The following ACOXL variants were observed in gnomAD, a reference collection of about 807,000 sequenced individuals.
ACOXL encodes the protein acyl-coenzyme A oxidase-like protein.
In ACOXL, 70 loss-of-function variants were observed where a neutral mutation model predicts 71.9. The ratio of observed to expected loss-of-function variants is 0.97; its 90% CI spans 0.80 to 1.19. ACOXL has a LOEUF of 1.19. ACOXL is among the 50% of genes most tolerant of loss of function. ACOXL has a pLI of 0.00. For missense variants in ACOXL, 703 were observed against 736.3 expected (o/e 0.95, Z 0.52); for synonymous variants, 253 against 281.6 (o/e 0.90, Z 1.02).
intron 2 of ACOXL, among the ~76,000 whole-genome samples, chr2:110,783,716 C>T (rs868228997): frequency 6.6e-6 from 1 of 152,164 alleles, no homozygotes; most frequent in African/African-American, 2.4e-5. Flanking sequence ...GGCACATGCA[C>T]ACACATGTAC....
chr2:110,768,513 T>TGTGTGTGTGTGTGAGA (rs397975396), intron 2 of ACOXL, 49 bp downstream of exon 2: 10 of 929,750 alleles, frequency 1.1e-5, no homozygotes, highest in Admixed American at 1.0e-4. Flanking sequence ...TGTGTGTGTG[T>TGTGTGTGTGTGTGAGA]GAGAGAGAGA....
At chr2:110,783,074 G>A (rs2105151441) in intron 2 of ACOXL, among the ~76,000 whole-genome samples, 1 of 152,326 alleles carries the variant, frequency 6.6e-6, no homozygotes, top group African/African-American at 2.4e-5. Flanking sequence ...TGAGAAACCT[G>A]AAGCTCCGGA....
chr2:111,061,293 G>A (rs575698069), intron 16 of ACOXL, among the ~76,000 whole-genome samples: 1 of 152,216 alleles, frequency 6.6e-6, no homozygotes, highest in South Asian at 2.1e-4. Context: ...TATCTCTAAA[G>A]AGAAAACCAA....
At chr2:110,976,090 T>C (rs2149504807) in intron 12 of ACOXL, among the ~76,000 whole-genome samples, 1 of 152,256 alleles carries the variant, frequency 6.6e-6, no homozygotes, top group East Asian at 1.9e-4. Context: ...GATTAGAACC[T>C]GAAAACAACC....
intron 15 of ACOXL, among the ~76,000 whole-genome samples, chr2:111,039,409 G>GA (rs79210866): frequency 0.29 from 40,728 of 142,822 alleles, 5,670 homozygotes; most frequent in Middle Eastern, 0.35. Context: ...GAACCAAAAA[G>GA]AAAAAAAAAA....
intron 16 of ACOXL, among the ~76,000 whole-genome samples, chr2:111,064,260 C>A (rs955880603): frequency 6.6e-6 from 1 of 151,996 alleles, no homozygotes; most frequent in Non-Finnish European, 1.5e-5. Context: ...CACAGTGAAA[C>A]CCCGTCTCTA....
chr2:111,023,304 A>G (rs1314175745), intron 14 of ACOXL, among the ~76,000 whole-genome samples: 1 of 152,170 alleles, frequency 6.6e-6, no homozygotes, highest in East Asian at 1.9e-4. Flanking sequence ...GCTAGGTACA[A>G]GGGGAGGAAT....
chr2:111,055,245 T>C (rs2066477152), intron 16 of ACOXL, among the ~76,000 whole-genome samples: 1 of 152,172 alleles, frequency 6.6e-6, no homozygotes, highest in African/African-American at 2.4e-5. Flanking sequence ...GCAACCCAAG[T>C]GTCTAAGCAG....
intron 16 of ACOXL, among the ~76,000 whole-genome samples, chr2:111,058,552 A>T (rs777427462): frequency 1.7e-4 from 26 of 152,190 alleles, no homozygotes; most frequent in Non-Finnish European, 2.8e-4. Context: ...AGACTTGAAG[A>T]TTTCTGCTCT....
intron 1 of ACOXL, among the ~76,000 whole-genome samples, chr2:110,764,331 T>TAA (rs879441490): frequency 1.3e-5 from 2 of 150,740 alleles, no homozygotes; most frequent in African/African-American, 4.9e-5. Context: ...TATTTAGTGC[T>TAA]AAAAAAAAAT....
At chr2:110,779,646 C>T (rs1475661704) in intron 2 of ACOXL, among the ~76,000 whole-genome samples, 3 of 152,214 alleles carry the variant, frequency 2.0e-5, no homozygotes, top group Non-Finnish European at 4.4e-5. Context: ...AATGGAATGG[C>T]AGGTTCTGAA....
At chr2:110,867,883 C>T (rs1307130970) in intron 10 of ACOXL, among the ~76,000 whole-genome samples, 1 of 152,178 alleles carries the variant, frequency 6.6e-6, no homozygotes, top group Non-Finnish European at 1.5e-5. Context: ...CTACCTCAGC[C>T]TCCCGAGTAG....
At chr2:110,987,340 CTG>C in intron 13 of ACOXL, 123 bp downstream of exon 13, 1 of 803,230 alleles carries the variant, frequency 1.2e-6, no homozygotes. Flanking sequence ...TGCAAGAAAT[CTG>C]TGAATCTGTA....
chr2:110,761,526 C>T (rs1439226208), intron 1 of ACOXL, among the ~76,000 whole-genome samples: 1 of 152,188 alleles, frequency 6.6e-6, no homozygotes, highest in Non-Finnish European at 1.5e-5. Flanking sequence ...CCAGAGCTCC[C>T]CATGGAATAT....
chr2:111,064,099 C>T (rs538569447), intron 16 of ACOXL, among the ~76,000 whole-genome samples: 11 of 152,152 alleles, frequency 7.2e-5, no homozygotes, highest in Non-Finnish European at 1.5e-4. Context: ...TCAGGATCAA[C>T]ACTCAGATAC....
At position 111,110,970 on chromosome 2, in the gene ACOXL, G is replaced by A. The variant is rs115331372; in HGVS notation, c.1543-6646G>A. Among the ~76,000 whole-genome samples, 773 of 152,174 alleles carry A rather than the reference G, an allele frequency of 5.1e-3. 6 individuals carry two copies. The highest frequency in any genetic ancestry group is 0.017 in the African/African-American group (709 of 41,510). On this transcript the variant is annotated intron_variant, in intron 17 of 17. Transcript: ENST00000439055. Reference sequence around the variant, plus strand: ...GACTCTTATTGTATTTTTAGTTTTGGCAGTTTGTGGGGATTTTGCCTCTTG... The same window carrying A: ...GACTCTTATTGTATTTTTAGTTTTGACAGTTTGTGGGGATTTTGCCTCTTG...
intron 11 of ACOXL, among the ~76,000 whole-genome samples, chr2:110,911,669 A>T (rs2059655897): frequency 6.6e-6 from 1 of 152,092 alleles, no homozygotes; most frequent in African/African-American, 2.4e-5. Flanking sequence ...GTACCTTTTC[A>T]TGATAAAAAC....
intron 14 of ACOXL, among the ~76,000 whole-genome samples, chr2:110,997,829 C>T (rs961490238): frequency 3.9e-5 from 6 of 152,128 alleles, no homozygotes; most frequent in African/African-American, 9.7e-5. Context: ...CCAGGGCAGG[C>T]GGATTGCTTG....
intron 11 of ACOXL, among the ~76,000 whole-genome samples, chr2:110,911,237 C>T (rs1453051536): frequency 1.3e-5 from 2 of 152,008 alleles, no homozygotes; most frequent in Non-Finnish European, 2.9e-5. Flanking sequence ...AATTTTAAAA[C>T]TTCCCACAAT....
Sources: allele counts gnomAD v4.1 joint callset (sites outside exome capture counted in the v4.1 genomes callset), GRCh38; gene constraint gnomAD v4.1.1; transcripts MANE v1.5; gene names NCBI Gene and HGNC (gene_info 2026-07-23, HGNC 2026-07-21).